CHRM3: variants seen among roughly 807,000 people sequenced by gnomAD.
CHRM3 encodes muscarinic acetylcholine receptor M3.
In CHRM3, 11 loss-of-function variants were observed where a neutral mutation model predicts 41.8. That is an observed-to-expected ratio of 0.26 (90% confidence interval 0.17 to 0.44). CHRM3 has a LOEUF of 0.44. CHRM3 is among the 20% of genes least tolerant of loss of function. The pLI is 1.00. For missense variants in CHRM3, 571 were observed against 745.4 expected, an observed-to-expected ratio of 0.77 and a Z score of 2.72; for synonymous variants, 297 against 301.4, an observed-to-expected ratio of 0.99 and a Z score of 0.15.
intron 1 of CHRM3, among the ~76,000 whole-genome samples, chr1:239,484,963 G>T (rs1023131518): frequency 6.6e-6 from 1 of 152,126 alleles, no homozygotes; most frequent in African/African-American, 2.4e-5. Flanking sequence ...ACATTTTTAT[G>T]AGCCTATACT....
chr1:239,545,120 A>C lies in CHRM3; in HGVS notation c.-421-521A>C, dbSNP rs199687227. On this transcript the variant is annotated intron_variant, in intron 2 of 6. Transcript: ENST00000676153. Reference sequence around the variant, plus strand: ...AAGTTTGGTTTTCTTATTGATAAGCATATGGCTTTCTAGTAATGTTACATT... The same window carrying C: ...AAGTTTGGTTTTCTTATTGATAAGCCTATGGCTTTCTAGTAATGTTACATT... Among the ~76,000 whole-genome samples, 40 of 152,356 alleles carry C rather than the reference A, an allele frequency of 2.6e-4. No individual in the cohort carries two copies. The East Asian group carries it at 7.3e-3, about 28-fold the overall frequency.
intron 3 of CHRM3, among the ~76,000 whole-genome samples, chr1:239,609,224 T>C (rs1055403224): frequency 6.6e-6 from 1 of 152,220 alleles, no homozygotes; most frequent in African/African-American, 2.4e-5. Context: ...TTTTCAAGAA[T>C]TTTAAATGAA....
intron 6 of CHRM3, among the ~76,000 whole-genome samples, chr1:239,845,599 T>C (rs959964325): frequency 6.6e-6 from 1 of 152,210 alleles, no homozygotes; most frequent in African/African-American, 2.4e-5. Context: ...CCACCATTTG[T>C]GCCAGCTTTG....
chr1:239,478,224 C>G (rs528175086), intron 1 of CHRM3, among the ~76,000 whole-genome samples: 33 of 152,222 alleles, frequency 2.2e-4, no homozygotes, highest in Non-Finnish European at 4.0e-4. Flanking sequence ...GTAAAAAGCC[C>G]AAATAGAGCT....
At chr1:239,473,871 A>AG (rs1666298075) in intron 1 of CHRM3, among the ~76,000 whole-genome samples, 1 of 146,186 alleles carries the variant, frequency 6.8e-6, no homozygotes, top group Non-Finnish European at 1.5e-5. Context: ...GTAAATTTCA[A>AG]AAAAAAAAAT....
chr1:239,898,916 G>A (rs962876246), intron 6 of CHRM3, among the ~76,000 whole-genome samples: 1 of 151,986 alleles, frequency 6.6e-6, no homozygotes, highest in African/African-American at 2.4e-5. Context: ...CATAACTAGG[G>A]GGAAGAAGGC....
chr1:239,680,804 A>G (rs1299140208), intron 5 of CHRM3, among the ~76,000 whole-genome samples: 1 of 151,964 alleles, frequency 6.6e-6, no homozygotes, highest in East Asian at 1.9e-4. Flanking sequence ...ACTAATGAAT[A>G]ACATTTTATT....
chr1:239,456,886 TA>T (rs1664983187), intron 1 of CHRM3, among the ~76,000 whole-genome samples: 1 of 152,176 alleles, frequency 6.6e-6, no homozygotes, highest in Admixed American at 6.5e-5. Context: ...GACCCAAGTA[TA>T]AAAACTAAAC....
chr1:239,789,304 T>C (rs1669155643), intron 5 of CHRM3, among the ~76,000 whole-genome samples: 2 of 152,020 alleles, frequency 1.3e-5, no homozygotes, highest in African/African-American at 4.8e-5. Flanking sequence ...GGAAGAAAAA[T>C]TAATTTGGCG....
chr1:239,653,833 G>A (rs1000419130), intron 4 of CHRM3, among the ~76,000 whole-genome samples: 2 of 152,168 alleles, frequency 1.3e-5, no homozygotes, highest in Non-Finnish European at 2.9e-5. Context: ...AGAATCTTGG[G>A]AGAGAGTTGC....
chr1:239,828,732 T>C (rs1311103486), intron 6 of CHRM3, among the ~76,000 whole-genome samples: 1 of 152,006 alleles, frequency 6.6e-6, no homozygotes, highest in Admixed American at 6.6e-5. Context: ...AGCTAGAATA[T>C]CAATGCAGAT....
Position 239,641,735 on chromosome 1 carries a change from T to G in CHRM3, c.-250+9449T>G, listed in dbSNP as rs1279758964. Among the ~76,000 whole-genome samples the G allele has an allele frequency of 2.8e-5, 4 of 140,408 alleles. 1 individual carries two copies. Among genetic ancestry groups the G allele is most frequent in the Non-Finnish European group, 4.6e-5 (3 of 64,804 alleles). 92.1% of individuals were successfully genotyped at this position (140,408 alleles called of 152,430 possible). A position where few individuals can be genotyped will look rare whatever the true frequency, so the allele number is the denominator to read the frequency against. ...TCTTTATCCAATTTGCCAGTCTGTG[T>G]CTTTTAATTGGAGCATTTAGTCCAT... is the stretch of plus-strand genomic sequence containing the variant. On this transcript the variant is annotated intron_variant, in intron 4 of 6. Coordinates refer to ENST00000676153, the MANE Select transcript of CHRM3 (RefSeq NM_001375978.1).
chr1:239,721,316 G>A (rs1208897536), intron 5 of CHRM3, among the ~76,000 whole-genome samples: 2 of 151,802 alleles, frequency 1.3e-5, no homozygotes, highest in Non-Finnish European at 2.9e-5. Flanking sequence ...CTTACATTAG[G>A]AGTCAACTTT....
chr1:239,525,852 C>T (rs1346174964), intron 2 of CHRM3, among the ~76,000 whole-genome samples: 1 of 152,198 alleles, frequency 6.6e-6, no homozygotes, highest in Non-Finnish European at 1.5e-5. Context: ...CAGTGGTTCT[C>T]CACCTCACCT....
intron 6 of CHRM3, among the ~76,000 whole-genome samples, chr1:239,869,762 C>G (rs968303598): frequency 6.6e-6 from 1 of 152,184 alleles, no homozygotes; most frequent in South Asian, 2.1e-4. Context: ...ATGTGAACTC[C>G]TGTAGGGAGA....
At chr1:239,859,757 A>AT (rs886114717) in intron 6 of CHRM3, among the ~76,000 whole-genome samples, 11 of 149,214 alleles carry the variant, frequency 7.4e-5, no homozygotes, top group Non-Finnish European at 1.2e-4. Context: ...AATAAGTTGT[A>AT]TTTATGTAGT....
Position 239,445,866 on chromosome 1 carries a change from C to T in CHRM3, c.-520-46843C>T, listed in dbSNP as rs370436641. ...AGTATAGTATAATGGGAAATGGAGG[C>T]AAAGCTGCCAACTCAGAGGGTACTG... On this transcript the variant is annotated intron_variant, in intron 1 of 6. Transcript: ENST00000676153. 4.0e-5 allele frequency among the ~76,000 whole-genome samples: 6 copies of T among 151,742 alleles called. No homozygotes were observed. The East Asian group carries it at 5.8e-4, about 15-fold the overall frequency.
At chr1:239,452,381 G>C (rs1274777915) in intron 1 of CHRM3, among the ~76,000 whole-genome samples, 1 of 152,196 alleles carries the variant, frequency 6.6e-6, no homozygotes, top group Non-Finnish European at 1.5e-5. Context: ...GGTTGAGACT[G>C]TATGAGAAAA....
Position 239,877,976 on chromosome 1 carries a change from T to C in CHRM3, c.-19-29457T>C, listed in dbSNP as rs533495781. ...TGCGATCTCAGCTCACTGCAAGCTCTGCCTCCCAGGTTCATGCCATTCTCC... is the reference window on the plus strand; with the variant it reads ...TGCGATCTCAGCTCACTGCAAGCTCCGCCTCCCAGGTTCATGCCATTCTCC... On this transcript the variant is annotated intron_variant, in intron 6 of 6. Coordinates refer to ENST00000676153, the MANE Select transcript of CHRM3 (RefSeq NM_001375978.1). Among the ~76,000 whole-genome samples the C allele has an allele frequency of 1.0e-3, 158 of 151,478 alleles. 1 individual carries two copies. Among genetic ancestry groups the C allele is most frequent in the African/African-American group, 3.7e-3 (152 of 41,286 alleles).
Sources: gnomAD v4.1 joint callset for allele counts (sites outside exome capture counted in the v4.1 genomes callset) on GRCh38, gnomAD v4.1.1 for gene constraint, MANE v1.5 for transcripts, NCBI Gene and HGNC (gene_info 2026-07-23, HGNC 2026-07-21) for gene names.